The following EYS variants were observed in gnomAD, a reference collection of about 807,000 sequenced individuals.
EYS encodes EGF-like photoreceptor maintenance factor.
Under a neutral mutation model 282.1 loss-of-function variants are expected in EYS, and 250 were observed. The ratio of observed to expected loss-of-function variants is 0.89; its 90% confidence interval spans 0.80 to 0.98. EYS has a LOEUF of 0.98. EYS is among the 50% of genes least tolerant of loss of function. The probability of loss-of-function intolerance (pLI) is 0.00; values close to 1 mark genes in which losing one functional copy is unlikely to be tolerated. For synonymous variants in EYS, 1,355 were observed against 1,282.9 expected, an observed-to-expected ratio of 1.06 and a Z score of -1.20; for missense variants, 4,016 against 3,709.0, an observed-to-expected ratio of 1.08 and a Z score of -2.15.
chr6:65,610,572 A>G (rs145399102), intron 2 of EYS, among the ~76,000 whole-genome samples: 1 of 152,088 alleles, frequency 6.6e-6, no homozygotes, highest in Non-Finnish European at 1.5e-5. Flanking sequence ...ACAGGGGAAC[A>G]TCCTATATAT....
chr6:64,452,058 G>A (rs1775370172), intron 26 of EYS, among the ~76,000 whole-genome samples: 1 of 152,162 alleles, frequency 6.6e-6, no homozygotes, highest in Admixed American at 6.5e-5. Context: ...AGGAAAAGAG[G>A]AAGTCAAATT....
At chr6:65,110,711 T>C (rs1192955183) in intron 12 of EYS, among the ~76,000 whole-genome samples, 12 of 152,244 alleles carry the variant, frequency 7.9e-5, no homozygotes, top group Admixed American at 7.2e-4. Flanking sequence ...TAAATGTTTT[T>C]CTATGTGTTT....
intron 22 of EYS, among the ~76,000 whole-genome samples, chr6:64,676,511 CATACATAAAAATTTTAAA>C (rs1769690678): frequency 6.6e-6 from 1 of 151,848 alleles, no homozygotes; most frequent in Non-Finnish European, 1.5e-5. Context: ...TAATTTTCAA[CATACATAAAAATTTTAAA>C]AATAGTGCAA....
intron 22 of EYS, among the ~76,000 whole-genome samples, chr6:64,742,811 C>T (rs1772419619): frequency 6.6e-6 from 1 of 152,128 alleles, no homozygotes; most frequent in Non-Finnish European, 1.5e-5. Context: ...GAGGGAATGG[C>T]TCCATGATGC....
chr6:63,883,873 A>G (rs1024862685), intron 35 of EYS, among the ~76,000 whole-genome samples: 4 of 152,130 alleles, frequency 2.6e-5, no homozygotes, highest in Admixed American at 6.5e-5. Context: ...TTCAGCCTCA[A>G]TGTTATTTCC....
Position 64,890,637 on chromosome 6 carries a change from A to G in EYS, c.2847-3795T>C, listed in dbSNP as rs184084827. ...CTCTAATTTAAGATGAACTTCTCAA[A>G]AAGTTCTGCTTTTTTGTTTGCTCTT... On this transcript the variant is annotated intron_variant, in intron 18 of 42. Coordinates refer to ENST00000503581, the MANE Select transcript of EYS (RefSeq NM_001142800.2). 1.4e-4 allele frequency among the ~76,000 whole-genome samples: 22 copies of G among 152,274 alleles called. No homozygotes were observed. The East Asian group carries it at 3.1e-3, about 21-fold the overall frequency.
intron 13 of EYS, among the ~76,000 whole-genome samples, chr6:65,055,947 T>A (rs1262252825): frequency 6.6e-6 from 1 of 152,056 alleles, no homozygotes; most frequent in Non-Finnish European, 1.5e-5. Context: ...TGAAAGCCAG[T>A]CACTATCTGC....
intron 5 of EYS, among the ~76,000 whole-genome samples, chr6:65,409,911 T>G (rs934193434): frequency 2.0e-5 from 3 of 152,088 alleles, no homozygotes; most frequent in African/African-American, 7.2e-5. Flanking sequence ...GACCACACCA[T>G]TGACATTATT....
At chr6:64,345,096 C>T (rs886985781) in intron 29 of EYS, among the ~76,000 whole-genome samples, 1 of 150,216 alleles carries the variant, frequency 6.7e-6, no homozygotes, top group African/African-American at 2.4e-5. Flanking sequence ...GGTAGGAAGA[C>T]TCAATATCGT....
chr6:65,324,896 A>G (rs1163433175), intron 11 of EYS, among the ~76,000 whole-genome samples: 1 of 152,210 alleles, frequency 6.6e-6, no homozygotes, highest in Non-Finnish European at 1.5e-5. Flanking sequence ...AGAGCTAGAT[A>G]CTGTATCTCT....
chr6:65,434,181 G>T (rs1004383059), intron 5 of EYS, among the ~76,000 whole-genome samples: 32 of 152,168 alleles, frequency 2.1e-4, no homozygotes, highest in African/African-American at 7.5e-4. Context: ...CTAAGAATGT[G>T]GACCTTGTTG....
intron 35 of EYS, among the ~76,000 whole-genome samples, chr6:63,946,240 A>G (rs1384052771): frequency 6.6e-6 from 1 of 152,174 alleles, no homozygotes; most frequent in Non-Finnish European, 1.5e-5. Flanking sequence ...ACAACTTAGG[A>G]CTTTTCACTG....
intron 31 of EYS, among the ~76,000 whole-genome samples, chr6:64,190,500 T>C (rs1765070176): frequency 6.6e-6 from 1 of 152,104 alleles, no homozygotes; most frequent in African/African-American, 2.4e-5. Context: ...TTGGAAACAT[T>C]GAGAAAGGCA....
chr6:64,325,569 C>T (rs1279279429), intron 29 of EYS, among the ~76,000 whole-genome samples: 1 of 152,096 alleles, frequency 6.6e-6, no homozygotes, highest in African/African-American at 2.4e-5. Context: ...AAGAAGAAAT[C>T]TCTGATTTAC....
At chr6:65,153,363 A>ATGTGTGTGTGTGTGTG (rs67661407) in intron 12 of EYS, among the ~76,000 whole-genome samples, 1 of 135,760 alleles carries the variant, frequency 7.4e-6, no homozygotes, top group African/African-American at 2.7e-5. Flanking sequence ...GAGATCATAA[A>ATGTGTGTGTGTGTGTG]TGTGTGTGTG....
chr6:64,414,474 A>G (rs1232737560), intron 28 of EYS, among the ~76,000 whole-genome samples: 7 of 152,162 alleles, frequency 4.6e-5, no homozygotes, highest in Non-Finnish European at 1.0e-4. Flanking sequence ...CAGACAAATG[A>G]AACAAAATAA....
At chr6:65,526,576 G>T (rs951103452) in intron 2 of EYS, among the ~76,000 whole-genome samples, 13 of 152,048 alleles carry the variant, frequency 8.5e-5, no homozygotes, top group Non-Finnish European at 1.8e-4. Flanking sequence ...GAGGCCGAGG[G>T]GGGTGGATCA....
At chr6:64,077,033 G>C (rs1771796798) in intron 32 of EYS, among the ~76,000 whole-genome samples, 1 of 151,850 alleles carries the variant, frequency 6.6e-6, no homozygotes, top group African/African-American at 2.4e-5. Flanking sequence ...TGTTGAATTT[G>C]TCTTTGCTGT....
intron 31 of EYS, among the ~76,000 whole-genome samples, chr6:64,140,565 G>C (rs775277011): frequency 9.2e-5 from 14 of 152,142 alleles, no homozygotes; most frequent in Non-Finnish European, 1.6e-4. Flanking sequence ...ACTCTAGCAA[G>C]AGATGAGTGG....
Sources: allele counts gnomAD v4.1 joint callset (sites outside exome capture counted in the v4.1 genomes callset), GRCh38; gene constraint gnomAD v4.1.1; transcripts MANE v1.5; gene names NCBI Gene and HGNC (gene_info 2026-07-23, HGNC 2026-07-21).